DISC1: variants seen among roughly 807,000 people sequenced by gnomAD.
DISC1 encodes the protein disrupted in schizophrenia 1 protein.
A neutral mutation model predicts 84.5 loss-of-function variants in DISC1; 57 were observed. The ratio of observed to expected loss-of-function variants is 0.67; its 90% CI spans 0.55 to 0.84. DISC1 has a LOEUF of 0.84. Among genes scored for constraint, DISC1 ranks in the 40% least tolerant of loss-of-function variants. DISC1 has a pLI of 0.00. For missense variants in DISC1, 1,000 were observed against 1,057.8 expected (o/e 0.95, Z 0.76); for synonymous variants, 411 against 415.2 (o/e 0.99, Z 0.12).
intron 8 of DISC1, among the ~76,000 whole-genome samples, chr1:231,801,987 T>G (rs985844114): frequency 6.6e-6 from 1 of 151,752 alleles, no homozygotes; most frequent in Non-Finnish European, 1.5e-5. Flanking sequence ...CCCGGCTAAT[T>G]TTTTGTATTT....
intron 9 of DISC1, among the ~76,000 whole-genome samples, chr1:231,842,836 A>G (rs2083173697): frequency 6.6e-6 from 1 of 152,166 alleles, no homozygotes; most frequent in African/African-American, 2.4e-5. Context: ...AGAAAAAAAT[A>G]TATAGGATTA....
At chr1:231,633,185 A>G in intron 1 of DISC1, among the ~76,000 whole-genome samples, 1 of 152,242 alleles carries the variant, frequency 6.6e-6, no homozygotes, top group South Asian at 2.1e-4. Flanking sequence ...TATTCATTCA[A>G]CGTTTATTGA....
intron 11 of DISC1, among the ~76,000 whole-genome samples, chr1:232,023,036 TA>T (rs1425967177): frequency 8.7e-6 from 1 of 115,242 alleles, no homozygotes; most frequent in Non-Finnish European, 1.9e-5. Flanking sequence ...CTAAAAAAAC[TA>T]AAAAAAATTT....
At chr1:231,738,409 C>G (rs966123535) in intron 3 of DISC1, among the ~76,000 whole-genome samples, 1 of 152,216 alleles carries the variant, frequency 6.6e-6, no homozygotes, top group Non-Finnish European at 1.5e-5. Context: ...TCTCTGTCTT[C>G]CATGTCCTTG....
Position 231,774,805 on chromosome 1 carries a change from G to C in DISC1, c.1634+3735G>C, listed in dbSNP as rs927143444. On this transcript the variant is annotated intron_variant, in intron 6 of 12. Transcript: ENST00000439617. ...TTTGAAAGAAACCAGTGTAGAACCAGCTGGCTCAACAGGTCAGAGAGATTG... is the reference window on the plus strand; with the variant it reads ...TTTGAAAGAAACCAGTGTAGAACCACCTGGCTCAACAGGTCAGAGAGATTG... 6 of 455,202 alleles carry C rather than the reference G, an allele frequency of 1.3e-5. No homozygotes were observed. In the Admixed American group the frequency reaches 1.4e-4, roughly 11 times the overall value. 28.2% of individuals were successfully genotyped at this position (455,202 alleles called of 1,614,324 possible).
chr1:231,986,081 A>G (rs1664389208), intron 10 of DISC1, among the ~76,000 whole-genome samples: 1 of 152,206 alleles, frequency 6.6e-6, no homozygotes. Context: ...TTGAGATCAT[A>G]ATAGTAATAC....
intron 1 of DISC1, among the ~76,000 whole-genome samples, chr1:231,628,345 A>G (rs2058435036): frequency 6.6e-6 from 1 of 152,208 alleles, no homozygotes; most frequent in South Asian, 2.1e-4. Flanking sequence ...TTTTGTACTG[A>G]TCGCATTGCC....
At chr1:231,890,787 T>A (rs2087148200) in intron 9 of DISC1, among the ~76,000 whole-genome samples, 1 of 152,256 alleles carries the variant, frequency 6.6e-6, no homozygotes, top group Admixed American at 6.5e-5. Flanking sequence ...CATATCCTCG[T>A]GATTTCAGAT....
intron 9 of DISC1, among the ~76,000 whole-genome samples, chr1:231,929,316 C>T (rs1388568270): frequency 6.6e-6 from 1 of 152,138 alleles, no homozygotes; most frequent in East Asian, 1.9e-4. Context: ...TTGTTCTTTT[C>T]ATCCTTCCTC....
intron 10 of DISC1, among the ~76,000 whole-genome samples, chr1:231,962,504 A>C (rs1332416532): frequency 6.6e-6 from 1 of 152,188 alleles, no homozygotes; most frequent in African/African-American, 2.4e-5. Flanking sequence ...AATCCTGAGC[A>C]AAAAGAACAA....
chr1:232,026,770 T>TC (rs1175810444), intron 12 of DISC1, among the ~76,000 whole-genome samples: 2 of 141,172 alleles, frequency 1.4e-5, no homozygotes, highest in Non-Finnish European at 3.0e-5. Context: ...TTCTTTTTTT[T>TC]TTTTTTTTTT....
At chr1:232,004,777 A>G (rs553663804) in intron 10 of DISC1, among the ~76,000 whole-genome samples, 9 of 152,262 alleles carry the variant, frequency 5.9e-5, no homozygotes, top group Admixed American at 5.2e-4. Flanking sequence ...AGTATGGACC[A>G]GACCCCATTC....
chr1:231,978,430 A>G (rs1663123056), intron 10 of DISC1, among the ~76,000 whole-genome samples: 2 of 152,212 alleles, frequency 1.3e-5, no homozygotes, highest in South Asian at 4.1e-4. Flanking sequence ...AAAAAAATAA[A>G]CTTTCCTCTA....
intron 2 of DISC1, among the ~76,000 whole-genome samples, chr1:231,697,707 C>T (rs917415387): frequency 6.6e-6 from 1 of 151,174 alleles, no homozygotes; most frequent in Admixed American, 6.6e-5. Context: ...GCCTCAGCCT[C>T]CAAGGTACTG....
In DISC1 at chr1:231,770,959, T is replaced by C; in HGVS notation, c.1523T>C (p.Val508Ala). Residue 508 changes from valine (V) to alanine (A), a missense_variant, in exon 6 of 13, where the codon GTG becomes GCG. Coordinates refer to ENST00000439617, the MANE Select transcript of DISC1 (RefSeq NM_018662.3). ...QWQGCDLTPLVGQLSLGQLQE... is the reference protein window; with the variant it reads ...QWQGCDLTPLAGQLSLGQLQE... ...CAGGGCTGCGACCTGACCCCACTGG[T>C]GGGCCAGCTGTCCCTGGGTCAGCTG... 1 of 1,613,962 alleles carries C rather than the reference T, an allele frequency of 6.2e-7. No homozygotes were observed. The highest frequency in any genetic ancestry group is 8.5e-7 in the Non-Finnish European group (1 of 1,179,952).
intron 9 of DISC1, among the ~76,000 whole-genome samples, chr1:231,889,098 T>G (rs901438828): frequency 5.9e-5 from 9 of 152,082 alleles, no homozygotes; most frequent in African/African-American, 2.2e-4. Flanking sequence ...TCTCAGATGG[T>G]AGATTTTGTG....
At chr1:231,677,984 A>G (rs1006440750) in intron 1 of DISC1, among the ~76,000 whole-genome samples, 4 of 152,050 alleles carry the variant, frequency 2.6e-5, no homozygotes, top group African/African-American at 9.7e-5. Flanking sequence ...AGAAAAAAAA[A>G]ACCAACCAAA....
intron 9 of DISC1, among the ~76,000 whole-genome samples, chr1:231,883,944 A>T (rs976382798): frequency 2.0e-5 from 3 of 152,118 alleles, no homozygotes; most frequent in African/African-American, 7.2e-5. Flanking sequence ...CCAACCAAAG[A>T]TGGCCAGCTA....
intron 10 of DISC1, among the ~76,000 whole-genome samples, chr1:231,982,992 A>C (rs369076577): frequency 4.6e-4 from 70 of 152,296 alleles, no homozygotes; most frequent in African/African-American, 1.6e-3. Context: ...CAAGTCTAAA[A>C]AATGTAAGAG....
Sources: allele counts gnomAD v4.1 joint callset (sites outside exome capture counted in the v4.1 genomes callset), GRCh38; gene constraint gnomAD v4.1.1; transcripts MANE v1.5; gene names NCBI Gene and HGNC (gene_info 2026-07-23, HGNC 2026-07-21).